NEB: variants seen among roughly 807,000 people sequenced by gnomAD.
NEB encodes nemaline myopathy type 2.
NEB carries 512 observed loss-of-function variants against 952.2 expected under a neutral mutation model. The observed-to-expected ratio is 0.54, with a 90% CI of 0.50 to 0.58. The LOEUF (loss-of-function observed/expected upper bound fraction) is 0.58. NEB is among the 20% of genes least tolerant of loss of function. The pLI is 0.00. For missense variants in NEB, 8,428 were observed against 9,231.1 expected (o/e 0.91, Z 3.56); for synonymous variants, 2,900 against 3,149.8 (o/e 0.92, Z 2.66).
chr2:151,535,467 C>T (rs1323626608), intron 142 of NEB, among the ~76,000 whole-genome samples: 9 of 152,266 alleles, frequency 5.9e-5, no homozygotes, highest in East Asian at 3.9e-4. Context: ...CTGATGTTTG[C>T]GGGGCTCTCC....
intron 3 of NEB, among the ~76,000 whole-genome samples, chr2:151,732,683 G>A (rs2099811748): frequency 6.6e-6 from 1 of 152,164 alleles, no homozygotes. Context: ...TCTAACCCAT[G>A]TTACCCTATA....
intron 176 of NEB, chr2:151,493,083 T>C (rs1002132240): frequency 1.9e-5 from 7 of 371,728 alleles, no homozygotes; most frequent in African/African-American, 4.2e-5. Context: ...CCTCAAAGTA[T>C]AGGGGAAGGA....
chr2:151,539,161 G>A (rs1226118238), intron 138 of NEB, among the ~76,000 whole-genome samples: 1 of 152,148 alleles, frequency 6.6e-6, no homozygotes, highest in East Asian at 1.9e-4. Flanking sequence ...ATGAATCCCA[G>A]GGCCAATTTC....
At chr2:151,690,439 G>T in intron 24 of NEB, 1 of 284,092 alleles carries the variant, frequency 3.5e-6, no homozygotes. Context: ...ATTTAAGTTG[G>T]CATGAAGTTT....
intron 9 of NEB, among the ~76,000 whole-genome samples, chr2:151,717,877 G>A (rs575407079): frequency 6.3e-4 from 81 of 127,866 alleles, no homozygotes; most frequent in African/African-American, 1.3e-3. Context: ...TTTTTGAGAC[G>A]GAGTCTCACT....
intron 3 of NEB, among the ~76,000 whole-genome samples, chr2:151,731,247 T>G (rs1006632217): frequency 2.0e-5 from 3 of 152,170 alleles, no homozygotes; most frequent in African/African-American, 7.2e-5. Context: ...GCAACATTAT[T>G]TAAATGGTTG....
intron 130 of NEB, 81 bp from the exon 131 acceptor site, chr2:151,548,496 T>C: frequency 1.0e-6 from 1 of 985,724 alleles, no homozygotes; most frequent in Non-Finnish European, 1.6e-6. Flanking sequence ...AAAAGAGATG[T>C]CACCTTTATT....
chr2:151,678,465 C>T (rs773675483), intron 32 of NEB, among the ~76,000 whole-genome samples: 8 of 152,114 alleles, frequency 5.3e-5, no homozygotes, highest in Admixed American at 2.0e-4. Flanking sequence ...CAAAACAGAT[C>T]TTTATATTCT....
Position 151,672,615 on chromosome 2 carries a change from A to G in NEB, c.4053T>C (p.Asp1351=), listed in dbSNP as rs1380929941. The G allele has an allele frequency of 1.2e-6, 2 of 1,613,892 alleles. No homozygotes were observed. Among genetic ancestry groups the G allele is most frequent in the African/African-American group, 2.7e-5 (2 of 74,920 alleles). Residue 1351 remains aspartate, a synonymous_variant, in exon 37 of 182, where the codon GAT becomes GAC. Coordinates refer to ENST00000397345, the MANE Select transcript of NEB (RefSeq NM_001164508.2). ...TCATATAGTGGACCAGCTTGGGATC[A>G]TCCTGGAGGCTTCTGAAACCCACAT... The part of the protein sequence containing the change: ...GKHVGFRSLQ[D]DPKLVHYMNV...
intron 154 of NEB, 67 bp downstream of exon 154, chr2:151,519,591 C>T (rs1313508961): frequency 8.6e-7 from 1 of 1,164,060 alleles, no homozygotes; most frequent in Admixed American, 1.8e-5. Flanking sequence ...TACTGAATTG[C>T]ACACTTAAAA....
rs2090969946 is a variant in NEB, at chr2:151,531,520, T to C, written c.21522+272A>G. The stretch of plus-strand genomic sequence containing the variant: ...TTAGTAGAGATGGGGTTTTGCCATA[T>C]TGGCCAGGCTGGTCTCAAACTCGTG... On this transcript the variant is annotated intron_variant, in intron 144 of 181. Transcript: ENST00000397345. Among the ~76,000 whole-genome samples the C allele has an allele frequency of 2.0e-5, 3 of 152,116 alleles. No homozygotes were observed. In the South Asian group the frequency reaches 6.2e-4, roughly 32 times the overall value.
chr2:151,664,911 A>AC, intron 42 of NEB, 48 bp from the exon 43 acceptor site: 1 of 1,353,836 alleles, frequency 7.4e-7, no homozygotes, highest in African/African-American at 1.4e-5. Flanking sequence ...GACAAGTTTG[A>AC]CCCAATGCTA....
chr2:151,629,476 T>G, intron 68 of NEB, 63 bp downstream of exon 68: 3 of 1,326,580 alleles, frequency 2.3e-6, no homozygotes. Flanking sequence ...AATGTTATAA[T>G]AGTAATAATC....
intron 16 of NEB, 28 bp downstream of exon 16, chr2:151,697,120 A>G (rs531663279): frequency 2.0e-6 from 3 of 1,528,414 alleles, no homozygotes; most frequent in African/African-American, 1.4e-5. Context: ...GAAGGCAGTC[A>G]CATTCAAAGT....
At chr2:151,549,148 C>A (rs2095070383) in intron 130 of NEB, among the ~76,000 whole-genome samples, 8 of 152,138 alleles carry the variant, frequency 5.3e-5, no homozygotes, top group Admixed American at 5.2e-4. Context: ...GAACTGGGCA[C>A]AGAGGATAAG....
chr2:151,519,122 A>G (rs1410882044), intron 154 of NEB, 53 bp from the exon 155 acceptor site: 2 of 1,155,558 alleles, frequency 1.7e-6, no homozygotes, highest in Non-Finnish European at 2.6e-6. Context: ...ATGGAACAGC[A>G]CTAATGGAAA....
chr2:151,562,535 C>A, intron 120 of NEB, 76 bp downstream of exon 120: 1 of 1,360,172 alleles, frequency 7.4e-7, no homozygotes, highest in Non-Finnish European at 9.9e-7. Context: ...GGGAGCATGG[C>A]AGCCAGGGTT....
chr2:151,687,621 C>T lies in NEB; in HGVS notation c.2523+5G>A. 4 of 1,613,346 alleles carry T rather than the reference C, an allele frequency of 2.5e-6. No homozygotes were observed. Among genetic ancestry groups the T allele is most frequent in the Non-Finnish European group, 3.4e-6 (4 of 1,179,520 alleles). ...CAGGTCCCCAGGTCCCCAGGCCACA[C>T]TCACATCGCTGGTGTTCTTGGTGTT... On this transcript the variant is annotated splice_donor_5th_base_variant and intron_variant, in intron 26 of 181. Coordinates refer to ENST00000397345, the MANE Select transcript of NEB (RefSeq NM_001164508.2).
chr2:151,723,759 T>TTTTTTTTTTTTTTTTG, intron 8 of NEB, among the ~76,000 whole-genome samples: 1 of 148,236 alleles, frequency 6.7e-6, no homozygotes, highest in Non-Finnish European at 1.5e-5. Flanking sequence ...TGTTTTTTTT[T>TTTTTTTTTTTTTTTTG]TTTTTTTTTT....
Sources: allele counts gnomAD v4.1 joint callset (sites outside exome capture counted in the v4.1 genomes callset), GRCh38; gene constraint gnomAD v4.1.1; transcripts MANE v1.5; gene names NCBI Gene and HGNC (gene_info 2026-07-23, HGNC 2026-07-21).